The following CACNA2D3 variants were observed in gnomAD, a reference collection of about 807,000 sequenced individuals.
CACNA2D3 encodes calcium voltage-gated channel auxiliary subunit alpha2delta 3, also known as voltage-dependent calcium channel subunit alpha-2/delta-3.
Under a neutral mutation model 160.6 loss-of-function variants are expected in CACNA2D3, and 60 were observed. The ratio of observed to expected loss-of-function variants is 0.37; its 90% CI spans 0.30 to 0.46. CACNA2D3 has a LOEUF of 0.46. CACNA2D3 is among the 20% of genes least tolerant of loss of function. The pLI is 1.00. For missense variants in CACNA2D3, 1,205 were observed against 1,365.0 expected (o/e 0.88, Z 1.85); for synonymous variants, 558 against 492.9 (o/e 1.13, Z -1.75).
At chr3:54,360,339 T>C (rs1449325) in intron 3 of CACNA2D3, among the ~76,000 whole-genome samples, 70,567 of 152,112 alleles carry the variant, frequency 0.46, 17,308 homozygotes, top group Non-Finnish European at 0.55. Context: ...AAAAACTATA[T>C]ATGCAAACAA....
At chr3:54,827,247 G>T (rs9860460) in intron 14 of CACNA2D3, among the ~76,000 whole-genome samples, 52,065 of 152,054 alleles carry the variant, frequency 0.34, 9,528 homozygotes, top group Non-Finnish European at 0.42. Flanking sequence ...TGAAATGTGC[G>T]TAGGCACTTG....
intron 9 of CACNA2D3, among the ~76,000 whole-genome samples, chr3:54,595,399 C>T (rs1036300213): frequency 6.6e-6 from 1 of 151,820 alleles, no homozygotes; most frequent in African/African-American, 2.4e-5. Context: ...TTGGTTCTGC[C>T]ACTTAGCCAA....
chr3:54,727,914 AAAG>A (rs1489373365), intron 11 of CACNA2D3, among the ~76,000 whole-genome samples: 2 of 152,224 alleles, frequency 1.3e-5, no homozygotes. Flanking sequence ...TATATTAAAA[AAAG>A]ATATGTTCTG....
intron 11 of CACNA2D3, among the ~76,000 whole-genome samples, chr3:54,728,401 C>A (rs553497500): frequency 5.9e-5 from 9 of 152,146 alleles, no homozygotes; most frequent in Non-Finnish European, 1.2e-4. Flanking sequence ...TCAATGTTTT[C>A]AATTCTAGGA....
chr3:54,827,616 G>C (rs894167712), intron 14 of CACNA2D3, among the ~76,000 whole-genome samples: 1 of 152,088 alleles, frequency 6.6e-6, no homozygotes, highest in Non-Finnish European at 1.5e-5. Flanking sequence ...CTTCCTTACA[G>C]TCTCAGTCCA....
chr3:55,019,208 CT>C (rs1160146121), intron 35 of CACNA2D3, among the ~76,000 whole-genome samples: 1 of 151,610 alleles, frequency 6.6e-6, no homozygotes, highest in Non-Finnish European at 1.5e-5. Flanking sequence ...TACCGTATCT[CT>C]TTAATTATTA....
chr3:54,538,814 C>T (rs189551349), intron 5 of CACNA2D3, among the ~76,000 whole-genome samples: 36 of 152,148 alleles, frequency 2.4e-4, no homozygotes, highest in African/African-American at 6.7e-4. Context: ...CTTAAGGGGG[C>T]GGGACCAGAA....
chr3:54,868,036 C>T (rs918090419), intron 17 of CACNA2D3, among the ~76,000 whole-genome samples: 13 of 152,186 alleles, frequency 8.5e-5, no homozygotes, highest in Admixed American at 7.9e-4. Context: ...CAGGCCAAAG[C>T]ATGGGAACCT....
At chr3:54,477,555 C>A (rs1355455490) in intron 4 of CACNA2D3, among the ~76,000 whole-genome samples, 1 of 152,150 alleles carries the variant, frequency 6.6e-6, no homozygotes, top group Non-Finnish European at 1.5e-5. Flanking sequence ...TGGGCCCCCA[C>A]ATTAATCATT....
rs572068546 is a variant in CACNA2D3 at position 54,300,933 on chromosome 3, A to G, written c.205-19509A>G. Reference sequence around the variant, plus strand: ...CTACTCAGGAGGTTGAGACCAGATGATCATTTGAGCCCAGGAGTTTGAGGT... The same window carrying G: ...CTACTCAGGAGGTTGAGACCAGATGGTCATTTGAGCCCAGGAGTTTGAGGT... On this transcript the variant is annotated intron_variant, in intron 2 of 37. Transcript: ENST00000474759. Among the ~76,000 whole-genome samples, 8 of 152,076 alleles carry G rather than the reference A, an allele frequency of 5.3e-5. No homozygotes were observed. In the East Asian group the frequency reaches 1.5e-3, roughly 29 times the overall value.
intron 12 of CACNA2D3, among the ~76,000 whole-genome samples, chr3:54,760,117 T>C (rs1702053434): frequency 6.6e-6 from 1 of 152,142 alleles, no homozygotes; most frequent in African/African-American, 2.4e-5. Context: ...GGAGCTAATA[T>C]TCCAGTTAGA....
intron 14 of CACNA2D3, among the ~76,000 whole-genome samples, chr3:54,819,015 C>G (rs1297301508): frequency 2.0e-5 from 3 of 152,118 alleles, no homozygotes; most frequent in African/African-American, 7.2e-5. Context: ...CTGCAAGTCT[C>G]CACCTGGTAA....
chr3:54,338,987 C>T (rs548376877), intron 3 of CACNA2D3, among the ~76,000 whole-genome samples: 14 of 152,270 alleles, frequency 9.2e-5, no homozygotes, highest in Middle Eastern at 3.4e-3. Context: ...GGGATTATTT[C>T]GCAGTCTATA....
intron 12 of CACNA2D3, among the ~76,000 whole-genome samples, chr3:54,760,950 C>T (rs922867098): frequency 6.6e-6 from 1 of 152,068 alleles, no homozygotes; most frequent in Non-Finnish European, 1.5e-5. Flanking sequence ...GTGGGTCTGT[C>T]GCTCTGGAGA....
At chr3:55,015,743 G>C (rs1416402441) in intron 34 of CACNA2D3, among the ~76,000 whole-genome samples, 1 of 152,182 alleles carries the variant, frequency 6.6e-6, no homozygotes, top group Non-Finnish European at 1.5e-5. Context: ...TTTGTGTCTG[G>C]CCTCTTCAGC....
intron 9 of CACNA2D3, among the ~76,000 whole-genome samples, chr3:54,609,834 G>A (rs1400394513): frequency 6.6e-6 from 1 of 152,268 alleles, no homozygotes; most frequent in Non-Finnish European, 1.5e-5. Flanking sequence ...GTGGTGATTT[G>A]GGAAATGTTG....
At chr3:54,223,784 G>A (rs1472119099) in intron 2 of CACNA2D3, among the ~76,000 whole-genome samples, 4 of 150,710 alleles carry the variant, frequency 2.7e-5, no homozygotes, top group African/African-American at 9.8e-5. Context: ...CCCGGGAGGT[G>A]GAGGTTGCAG....
chr3:54,635,640 G>A (rs1699353772), intron 10 of CACNA2D3, among the ~76,000 whole-genome samples: 1 of 151,948 alleles, frequency 6.6e-6, no homozygotes, highest in South Asian at 2.1e-4. Flanking sequence ...AGAAGGGAAA[G>A]TGATAAAAGT....
intron 11 of CACNA2D3, among the ~76,000 whole-genome samples, chr3:54,700,563 A>G (rs1432618508): frequency 6.6e-6 from 1 of 152,224 alleles, no homozygotes; most frequent in Non-Finnish European, 1.5e-5. Context: ...TCTCCAGAGG[A>G]TGTTTCAAAT....
Sources: allele counts gnomAD v4.1 joint callset (sites outside exome capture counted in the v4.1 genomes callset), GRCh38; gene constraint gnomAD v4.1.1; transcripts MANE v1.5; gene names NCBI Gene and HGNC (gene_info 2026-07-23, HGNC 2026-07-21).